Variants in FGGY observed in about 807,000 individuals in gnomAD.
The protein encoded by FGGY is FGGY carbohydrate kinase domain containing.
FGGY carries 72 observed loss-of-function variants against 71.3 expected under a neutral mutation model. That is an observed-to-expected ratio of 1.01 (90% CI 0.84 to 1.23). FGGY has a LOEUF of 1.23. Ranked by LOEUF, FGGY falls within the 50% of genes most tolerant of loss-of-function variation. The probability of loss-of-function intolerance (pLI) is 0.00; values close to 1 mark genes in which losing one functional copy is unlikely to be tolerated. For missense variants in FGGY, 668 were observed against 682.3 expected (o/e 0.98, Z 0.23); for synonymous variants, 251 against 250.3 (o/e 1.00, Z -0.02).
chr1:59,673,964 A>G (rs1440419882), intron 13 of FGGY, 75 bp from the exon 14 acceptor site: 6 of 1,336,116 alleles, frequency 4.5e-6, no homozygotes, highest in Non-Finnish European at 6.3e-6. Flanking sequence ...TGTTTTTGCC[A>G]CTGCGGCTGC....
At chr1:59,758,172 T>C (rs10437074) in intron 15 of FGGY, among the ~76,000 whole-genome samples, 180 bp downstream of exon 15, 3,649 of 152,270 alleles carry the variant, frequency 0.024, 148 homozygotes, top group African/African-American at 0.083. Flanking sequence ...TGCAGAACTA[T>C]GTAGGGCCAG....
intron 7 of FGGY, among the ~76,000 whole-genome samples, chr1:59,539,542 T>A (rs184585004): frequency 6.6e-6 from 1 of 152,206 alleles, no homozygotes; most frequent in Admixed American, 6.5e-5. Context: ...ACCCTGCCGA[T>A]TGGTTATCAC....
At chr1:59,597,852 G>A (rs1571901325) in intron 8 of FGGY, among the ~76,000 whole-genome samples, 1 of 152,162 alleles carries the variant, frequency 6.6e-6, no homozygotes, top group East Asian at 1.9e-4. Context: ...AAGAGCATTG[G>A]TTTTGCCGTA....
intron 7 of FGGY, among the ~76,000 whole-genome samples, chr1:59,539,521 A>G (rs373809999): frequency 1.3e-5 from 2 of 152,334 alleles, no homozygotes; most frequent in East Asian, 1.9e-4. Flanking sequence ...TGTATTTTTC[A>G]GTGAAATAGT....
chr1:59,630,306 TA>T (rs2096896903), intron 10 of FGGY, among the ~76,000 whole-genome samples: 1 of 152,098 alleles, frequency 6.6e-6, no homozygotes, highest in African/African-American at 2.4e-5. Flanking sequence ...CTACTACTAT[TA>T]CTACTAATGA....
At chr1:59,351,814 C>G (rs1024465144) in intron 4 of FGGY, among the ~76,000 whole-genome samples, 1 of 152,190 alleles carries the variant, frequency 6.6e-6, no homozygotes, top group South Asian at 2.1e-4. Flanking sequence ...CCAGAGCTGA[C>G]CACTCACTTC....
At chr1:59,615,665 G>C (rs562593027) in intron 9 of FGGY, among the ~76,000 whole-genome samples, 1 of 152,172 alleles carries the variant, frequency 6.6e-6, no homozygotes, top group Non-Finnish European at 1.5e-5. Context: ...TTAAACTAAA[G>C]AGCTTCTGCC....
intron 14 of FGGY, among the ~76,000 whole-genome samples, chr1:59,687,571 A>G (rs2153996972): frequency 1.3e-5 from 2 of 149,920 alleles, no homozygotes; most frequent in South Asian, 4.2e-4. Flanking sequence ...GGTTCACGCC[A>G]TTCTCCTGCC....
chr1:59,488,355 T>A (rs1240035774), intron 6 of FGGY, among the ~76,000 whole-genome samples: 1 of 151,850 alleles, frequency 6.6e-6, no homozygotes, highest in Non-Finnish European at 1.5e-5. Flanking sequence ...AAAATAGATT[T>A]TTATTTCAGG....
chr1:59,407,020 T>C (rs2062859970), intron 5 of FGGY, among the ~76,000 whole-genome samples: 1 of 152,164 alleles, frequency 6.6e-6, no homozygotes, highest in Admixed American at 6.5e-5. Context: ...CCCCTGACAA[T>C]TTGTCATCAG....
intron 7 of FGGY, among the ~76,000 whole-genome samples, chr1:59,530,510 T>C (rs1473266810): frequency 1.3e-5 from 2 of 152,152 alleles, no homozygotes; most frequent in Non-Finnish European, 2.9e-5. Context: ...AAGTGTCTGA[T>C]AAAAGCATGT....
chr1:59,650,651 A>G (rs1321070798), intron 11 of FGGY, among the ~76,000 whole-genome samples: 2 of 114,002 alleles, frequency 1.8e-5, no homozygotes, highest in Non-Finnish European at 3.4e-5. Flanking sequence ...TTTCTTCTTT[A>G]TTAGTCTTGC....
intron 1 of FGGY, among the ~76,000 whole-genome samples, chr1:59,317,218 G>T (rs970221389): frequency 1.3e-5 from 2 of 152,204 alleles, no homozygotes; most frequent in Admixed American, 6.5e-5. Flanking sequence ...TCTTATTGAA[G>T]AAGTAATCAA....
intron 7 of FGGY, among the ~76,000 whole-genome samples, chr1:59,542,879 G>A (rs1256083835): frequency 1.3e-5 from 2 of 152,226 alleles, no homozygotes; most frequent in East Asian, 3.9e-4. Context: ...CAAAGTCAGT[G>A]CCCTCCCTCA....
intron 5 of FGGY, among the ~76,000 whole-genome samples, chr1:59,426,620 C>T (rs2066414599): frequency 6.6e-6 from 1 of 152,230 alleles, no homozygotes; most frequent in South Asian, 2.1e-4. Context: ...ATTTCTAACT[C>T]ACAGGCCTCC....
chr1:59,729,069 C>A (rs1017775551), intron 14 of FGGY, among the ~76,000 whole-genome samples: 3 of 151,890 alleles, frequency 2.0e-5, no homozygotes, highest in African/African-American at 7.2e-5. Context: ...TCCCTCCATT[C>A]TTTTTTCTTT....
chr1:59,672,247 T>C (rs1164082326), intron 13 of FGGY, among the ~76,000 whole-genome samples: 1 of 152,226 alleles, frequency 6.6e-6, no homozygotes, highest in Non-Finnish European at 1.5e-5. Flanking sequence ...ATCCAGTTTT[T>C]AGTCCAGGTC....
intron 5 of FGGY, among the ~76,000 whole-genome samples, chr1:59,384,443 A>T (rs1014411413): frequency 2.6e-5 from 4 of 152,196 alleles, no homozygotes; most frequent in Admixed American, 6.5e-5. Context: ...AGGTGAAACA[A>T]GGAACCCCTC....
chr1:59,591,109 A>G (rs989992454), intron 8 of FGGY, among the ~76,000 whole-genome samples: 1 of 152,140 alleles, frequency 6.6e-6, no homozygotes, highest in Admixed American at 6.5e-5. Flanking sequence ...TACAAAATCA[A>G]TGTGCAAAAA....
Sources: allele counts gnomAD v4.1 joint callset (sites outside exome capture counted in the v4.1 genomes callset), GRCh38; gene constraint gnomAD v4.1.1; transcripts MANE v1.5; gene names NCBI Gene and HGNC (gene_info 2026-07-23, HGNC 2026-07-21).